The following SLC28A3 variants were observed in gnomAD, a reference collection of about 807,000 sequenced individuals.
SLC28A3 encodes the protein concentrative Na(+)-nucleoside cotransporter 3.
In SLC28A3, 68 loss-of-function variants were observed where a neutral mutation model predicts 84.2. That is an observed-to-expected ratio of 0.81 (90% CI 0.66 to 0.99). The LOEUF is 0.99. Ranked by LOEUF, SLC28A3 falls within the 50% of genes least tolerant of loss-of-function variation. The probability of loss-of-function intolerance (pLI) is 0.00; values close to 1 mark genes in which losing one functional copy is unlikely to be tolerated. For missense variants in SLC28A3, 712 were observed against 841.5 expected, an observed-to-expected ratio of 0.85 and a Z score of 1.90; for synonymous variants, 267 against 303.6, an observed-to-expected ratio of 0.88 and a Z score of 1.25.
At chr9:84,354,374 C>T in the SLC28A3 span, among the ~76,000 whole-genome samples, 1 of 152,170 alleles carries the variant, frequency 6.6e-6, no homozygotes, top group African/African-American at 2.4e-5. Context: ...TACCATCCCC[C>T]CTGAAAGGAA....
chr9:84,300,723 G>C (rs1011694454), intron 5 of SLC28A3, among the ~76,000 whole-genome samples: 1 of 152,174 alleles, frequency 6.6e-6, no homozygotes, highest in Admixed American at 6.5e-5. Context: ...GAAAAGCTCT[G>C]AGCAGTTGCT....
chr9:84,294,151 A>T (rs749986626), intron 9 of SLC28A3, 44 bp downstream of exon 9: 102 of 1,578,228 alleles, frequency 6.5e-5, no homozygotes, highest in Non-Finnish European at 8.2e-5. Context: ...TGCCTGAGAT[A>T]ATCAGCTCTA....
chr9:84,282,674 T>C (rs990221659), intron 14 of SLC28A3, among the ~76,000 whole-genome samples: 2 of 152,240 alleles, frequency 1.3e-5, no homozygotes, highest in African/African-American at 4.8e-5. Context: ...GGACTGACTA[T>C]AGGAAGCTCA....
chr9:84,312,868 TG>T (rs34450676), intron 2 of SLC28A3, among the ~76,000 whole-genome samples: 17,006 of 152,140 alleles, frequency 0.11, 1,102 homozygotes, highest in Admixed American at 0.19. Flanking sequence ...GTGACCTACA[TG>T]GGTAATTTGT....
chr9:84,305,485 A>G, intron 3 of SLC28A3, 140 bp from the exon 4 acceptor site: 1 of 710,276 alleles, frequency 1.4e-6, no homozygotes. Flanking sequence ...CAAAATAGAA[A>G]TGGGAAACTC....
At chr9:84,339,291 C>A (rs1394551218) in intron 1 of SLC28A3, among the ~76,000 whole-genome samples, 1 of 152,098 alleles carries the variant, frequency 6.6e-6, no homozygotes, top group East Asian at 1.9e-4. Flanking sequence ...CCTCTGTCAA[C>A]CAGGCTGGAG....
At chr9:84,287,995 G>T in intron 12 of SLC28A3, 53 bp downstream of exon 12, 1 of 1,609,882 alleles carries the variant, frequency 6.2e-7, no homozygotes, top group South Asian at 1.1e-5. Flanking sequence ...GACTCCTGGA[G>T]TCCCCCGCCC....
At position 84,285,385 on chromosome 9, in the gene SLC28A3, C is replaced by T; in HGVS notation, c.1607G>A (p.Gly536Asp). The change falls in exon 14 of 18, where the codon GGT becomes GAT. Residue 536 changes from glycine (G) to aspartate (D), a missense_variant. Transcript: ENST00000376238. ...CACACCGTTTACAAATTTGGGTCCA[C>T]CTTCTTTCCTCAAGTGGATCCATTT... ...LSKWIHLRKEGGPKFVNGVQQ... is the reference protein window; with the variant it reads ...LSKWIHLRKEDGPKFVNGVQQ... 1.2e-6 allele frequency: 2 copies of T among 1,614,028 alleles called. No homozygotes were observed. The highest frequency in any genetic ancestry group is 1.3e-5 in the African/African-American group (1 of 75,034).
intron 1 of SLC28A3, among the ~76,000 whole-genome samples, chr9:84,337,967 T>C (rs886095738): frequency 5.9e-5 from 9 of 152,318 alleles, no homozygotes; most frequent in Admixed American, 3.3e-4. Context: ...ACTAGCTCCA[T>C]GAAAACAGCA....
Position 84,290,238 on chromosome 9 carries a change from G to A in SLC28A3, c.1065C>T (p.Ile355=), listed in dbSNP as rs761323788. The stretch of plus-strand genomic sequence containing the variant: ...TGATGGCGTGGAGTTCAGACTTGGT[G>A]ATGTAAGGTAAATATGGTCGGACCA... ...PLLVRPYLPY[I]TKSELHAIMT... The change falls in exon 11 of 18, where the codon ATC becomes ATT. Residue 355 remains isoleucine (I), a synonymous_variant. Coordinates refer to ENST00000376238, the MANE Select transcript of SLC28A3 (RefSeq NM_001199633.2). 1 of 1,614,108 alleles carries A rather than the reference G, an allele frequency of 6.2e-7. No homozygotes were observed. The highest frequency in any genetic ancestry group is 1.1e-5 in the South Asian group (1 of 91,078).
In SLC28A3 at chr9:84,340,688, A is replaced by T; in HGVS notation, c.-55T>A. The T allele has an allele frequency of 6.2e-7, 1 of 1,606,208 alleles. No individual in the cohort carries two copies. Among genetic ancestry groups the T allele is most frequent in the South Asian group, 1.1e-5 (1 of 90,842 alleles). On this transcript the variant is annotated 5_prime_UTR_variant, in exon 1 of 18. Coordinates refer to ENST00000376238, the MANE Select transcript of SLC28A3 (RefSeq NM_001199633.2). ...TGGAGGTCCTTTGTACCTGGGAAAA[A>T]GCACCAGTCTCTGCTGATGTCAGAA...
intron 3 of SLC28A3, among the ~76,000 whole-genome samples, chr9:84,307,202 G>A (rs556140685): frequency 2.7e-5 from 4 of 150,654 alleles, no homozygotes; most frequent in East Asian, 1.9e-4. Context: ...AGGCCAAGGC[G>A]GGTGGATCAA....
At chr9:84,358,254 G>A in the SLC28A3 span, among the ~76,000 whole-genome samples, 36 of 152,294 alleles carry the variant, frequency 2.4e-4, no homozygotes, top group Middle Eastern at 3.4e-3. Flanking sequence ...TCCAGTGGCC[G>A]TGGGCTGCAC....
intron 5 of SLC28A3, among the ~76,000 whole-genome samples, chr9:84,301,247 G>A (rs1371349847): frequency 6.6e-6 from 1 of 150,622 alleles, no homozygotes; most frequent in Non-Finnish European, 1.5e-5. Flanking sequence ...CTATTTGGGA[G>A]GCTGAGGCAC....
chr9:84,326,355 C>G (rs960714957), intron 1 of SLC28A3, among the ~76,000 whole-genome samples: 6 of 151,720 alleles, frequency 4.0e-5, no homozygotes, highest in African/African-American at 1.5e-4. Flanking sequence ...AAAACTGGAG[C>G]CTATTGGTAC....
chr9:84,348,877 C>G, the SLC28A3 span, among the ~76,000 whole-genome samples: 1 of 152,106 alleles, frequency 6.6e-6, no homozygotes, highest in Non-Finnish European at 1.5e-5. Flanking sequence ...TTGGACTTCC[C>G]AGTCTCCAGA....
At chr9:84,325,161 C>T (rs992319690) in intron 1 of SLC28A3, among the ~76,000 whole-genome samples, 1 of 152,080 alleles carries the variant, frequency 6.6e-6, no homozygotes, top group Admixed American at 6.6e-5. Flanking sequence ...TTCTTTACTA[C>T]TCTTTTTATC....
At chr9:84,303,976 TTTCTGGC>T (rs1249618036) in intron 4 of SLC28A3, among the ~76,000 whole-genome samples, 1 of 152,234 alleles carries the variant, frequency 6.6e-6, no homozygotes, top group Non-Finnish European at 1.5e-5. Context: ...AAAGTACTTG[TTTCTGGC>T]TTCTGTTGGA....
intron 5 of SLC28A3, among the ~76,000 whole-genome samples, chr9:84,301,282 G>A (rs1326343319): frequency 2.0e-5 from 3 of 148,850 alleles, no homozygotes; most frequent in East Asian, 2.0e-4. Context: ...CCCAGGAGGC[G>A]GAGGTTGCAG....
Sources: allele counts gnomAD v4.1 joint callset (sites outside exome capture counted in the v4.1 genomes callset), GRCh38; gene constraint gnomAD v4.1.1; transcripts MANE v1.5; gene names NCBI Gene and HGNC (gene_info 2026-07-23, HGNC 2026-07-21).